GCN1: variants seen among roughly 807,000 people sequenced by gnomAD.
GCN1 encodes the protein stalled ribosome sensor GCN1.
GCN1 carries 90 observed loss-of-function variants against 288.4 expected under a neutral mutation model. The observed-to-expected ratio is 0.31, with a 90% confidence interval of 0.26 to 0.37. The LOEUF (loss-of-function observed/expected upper bound fraction) is 0.37, where lower values mean the gene tolerates loss of function less well. GCN1 is among the 10% of genes least tolerant of loss of function. The probability of loss-of-function intolerance (pLI) is 1.00; values close to 1 mark genes in which losing one functional copy is unlikely to be tolerated. For synonymous variants in GCN1, 1,386 were observed against 1,420.2 expected (o/e 0.98, Z 0.54); for missense variants, 2,586 against 3,419.9 (o/e 0.76, Z 6.08).
rs951482376 is a variant in GCN1, at chr12:120,175,850, C to T, written c.938G>A (p.Arg313His). 19 of 1,611,358 alleles carry T rather than the reference C, an allele frequency of 1.2e-5. No individual in the cohort carries two copies. Among genetic ancestry groups the T allele is most frequent in the East Asian group, 4.5e-5 (2 of 44,858 alleles). ...LAGHLKSNSP[R>H]LMDEAVLALR... is the part of the protein sequence containing the mutation. ...TGCCAGCACAGCTTCATCCATCAGG[C>T]GGGGACTGTTGGATTTCAGGTGACC... The change falls in exon 11 of 58, where the codon CGC becomes CAC. Residue 313 changes from arginine (R) to histidine (H), a missense_variant. By Grantham distance (29) the Arg-to-His change is conservative. This residue lies in a region of GCN1 where 913 missense variants were observed against 1,107.0 expected (regional missense o/e 0.82). Coordinates refer to ENST00000300648, the MANE Select transcript of GCN1 (RefSeq NM_006836.2).
At position 120,156,447 on chromosome 12, in the gene GCN1, G is replaced by A. The variant is rs1284405717; in HGVS notation, c.3312+14C>T. Reference sequence around the variant, plus strand: ...ACAAGGGACACTGCAGTGGCTCTGAGACTGAGCACACACCCGGAGCACGGT... The same window carrying A: ...ACAAGGGACACTGCAGTGGCTCTGAAACTGAGCACACACCCGGAGCACGGT... On this transcript the variant is annotated intron_variant, in intron 28 of 57. Coordinates refer to ENST00000300648, the MANE Select transcript of GCN1 (RefSeq NM_006836.2). This position sits in a 1 kb window ranked among gnomAD's most constrained non-coding sequence, Gnocchi z 5.8. 6.2e-6 allele frequency: 10 copies of A among 1,612,460 alleles called. No individual in the cohort carries two copies. The Admixed American group carries it at 1.0e-4, about 16-fold the overall frequency.
chr12:120,134,950 C>T lies in GCN1; in HGVS notation c.7009-224G>A, dbSNP rs1183019666. Among the ~76,000 whole-genome samples, 1 of 152,192 alleles carries T rather than the reference C, an allele frequency of 6.6e-6. No homozygotes were observed. Among genetic ancestry groups the T allele is most frequent in the Admixed American group, 6.5e-5 (1 of 15,282 alleles). ...TTGATACACTGGAGGAGCAGGAGGC[C>T]GAGGAGGCGGCGGCCGCTATCTGAG... On this transcript the variant is annotated intron_variant, in intron 51 of 57. Coordinates refer to ENST00000300648, the MANE Select transcript of GCN1 (RefSeq NM_006836.2). The surrounding 1 kb of genome is among the most constrained non-coding windows in gnomAD (Gnocchi z 5.0).
Position 120,131,209 on chromosome 12 carries a change from G to A in GCN1, c.7539C>T (p.Ile2513=). 6.2e-7 allele frequency: 1 copy of A among 1,614,184 alleles called. No individual in the cohort carries two copies. The highest frequency in any genetic ancestry group is 1.1e-5 in the South Asian group (1 of 91,082). The change falls in exon 55 of 58, where the codon ATC becomes ATT. Residue 2513 remains isoleucine, a synonymous_variant. Transcript: ENST00000300648. The part of the protein sequence containing the change: ...GRYSSDVQEM[I]LSSATADRIP... ...CCCTGTCCGCCGTGGCACTGCTCAGGATCATTTCCTGAACATCACTGCTAT... is the reference window on the plus strand; with the variant it reads ...CCCTGTCCGCCGTGGCACTGCTCAGAATCATTTCCTGAACATCACTGCTAT...
At chr12:120,162,463 G>A (rs1420004175) in intron 20 of GCN1, among the ~76,000 whole-genome samples, 1 of 152,200 alleles carries the variant, frequency 6.6e-6, no homozygotes, top group Non-Finnish European at 1.5e-5. Context: ...ATTCCCCTAG[G>A]AGCTGATGGC....
At position 120,140,957 on chromosome 12, in the gene GCN1, G is replaced by A; in HGVS notation, c.5896C>T (p.Pro1966Ser). ...LGEKILPEII[P>S]ILEEGLRSQK... ...GACCTCAGGCCTTCCTCAAGGATGGGGATGATCTCGGGGAGGATTTTCTCC... is the reference window on the plus strand; with the variant it reads ...GACCTCAGGCCTTCCTCAAGGATGGAGATGATCTCGGGGAGGATTTTCTCC... The change falls in exon 45 of 58, where the codon CCC becomes TCC. Residue 1966 changes from proline to serine, a missense_variant. By Grantham distance (74) the Pro-to-Ser change is moderately conservative (BLOSUM62 -1). Around this residue, in one of 8 missense-constraint regions of GCN1, gnomAD observed 437 missense variants for 570.5 expected, o/e 0.77. Coordinates refer to ENST00000300648, the MANE Select transcript of GCN1 (RefSeq NM_006836.2). 1.9e-6 allele frequency: 3 copies of A among 1,613,948 alleles called. No individual in the cohort carries two copies. The highest frequency in any genetic ancestry group is 2.5e-6 in the Non-Finnish European group (3 of 1,179,850).
intron 14 of GCN1, among the ~76,000 whole-genome samples, chr12:120,170,997 C>T (rs1042403365): frequency 6.6e-6 from 1 of 151,514 alleles, no homozygotes; most frequent in Non-Finnish European, 1.5e-5. Context: ...CTGTCTTAGC[C>T]GGGTGGGGTG....
chr12:120,187,679 A>G (rs1464314403), intron 2 of GCN1, among the ~76,000 whole-genome samples: 2 of 151,902 alleles, frequency 1.3e-5, no homozygotes, highest in African/African-American at 4.8e-5. Context: ...TGCAGCCTCA[A>G]CCTCCTGGGC....
chr12:120,131,793 A>G (rs551468552), intron 54 of GCN1, 133 bp downstream of exon 54: 97 of 645,610 alleles, frequency 1.5e-4, no homozygotes, highest in Non-Finnish European at 2.3e-4. Context: ...TTTTGCTTTA[A>G]CTGCTGGATT....
intron 14 of GCN1, among the ~76,000 whole-genome samples, chr12:120,172,168 G>C (rs1446452847): frequency 6.6e-6 from 1 of 152,072 alleles, no homozygotes; most frequent in Non-Finnish European, 1.5e-5. Context: ...CTGCCTCATA[G>C]ACTGTTTTTA....
At chr12:120,170,024 AG>A (rs1878268629) in intron 15 of GCN1, 144 bp downstream of exon 15, 1 of 698,936 alleles carries the variant, frequency 1.4e-6, no homozygotes, top group Non-Finnish European at 2.5e-6. Flanking sequence ...TGCAACCATG[AG>A]GTTCATCCTG....
chr12:120,149,481 A>G (rs1877469469), intron 36 of GCN1, 125 bp downstream of exon 36: 2 of 668,976 alleles, frequency 3.0e-6, no homozygotes, highest in Admixed American at 5.2e-5. Context: ...TTAAAAAGGC[A>G]GAGTCTTAAC....
chr12:120,146,328 T>C (rs1344215078), intron 38 of GCN1, among the ~76,000 whole-genome samples: 2 of 151,674 alleles, frequency 1.3e-5, no homozygotes, highest in Admixed American at 6.6e-5. Context: ...AGATAAAATA[T>C]TTTGGTTTTC....
chr12:120,149,411 G>C (rs1287324383), intron 36 of GCN1, among the ~76,000 whole-genome samples, 195 bp downstream of exon 36: 2 of 152,048 alleles, frequency 1.3e-5, no homozygotes, highest in Non-Finnish European at 2.9e-5. Flanking sequence ...TGTGAGAATG[G>C]TTTGAGCCCC....
At position 120,150,041 on chromosome 12, in the gene GCN1, C is replaced by A. The variant is rs1420963569; in HGVS notation, c.4312G>T (p.Ala1438Ser). ...DKKNFRRREG[A>S]LFAFEMLCTM... ...CAGAGCATCTCGAAGGCAAAGAGGGCTCCTAGGGGAAAAGAAGGTGGGACG... is the reference window on the plus strand; with the variant it reads ...CAGAGCATCTCGAAGGCAAAGAGGGATCCTAGGGGAAAAGAAGGTGGGACG... The change falls in exon 35 of 58, where the codon GCC becomes TCC. Residue 1438 changes from alanine to serine, a missense_variant and splice_region_variant. This residue lies in a region of GCN1 where 371 missense variants were observed against 572.6 expected (regional missense o/e 0.65). Coordinates refer to ENST00000300648, the MANE Select transcript of GCN1 (RefSeq NM_006836.2). The A allele has an allele frequency of 1.9e-6, 3 of 1,613,874 alleles. No individual in the cohort carries two copies. Among genetic ancestry groups the A allele is most frequent in the Admixed American group, 3.3e-5 (2 of 60,010 alleles).
At chr12:120,184,393 G>C in intron 3 of GCN1, 150 bp from the exon 4 acceptor site, 1 of 684,024 alleles carries the variant, frequency 1.5e-6, no homozygotes, top group East Asian at 2.7e-5. Flanking sequence ...GAAATAACTA[G>C]ATAAACTCAC....
At chr12:120,149,776 C>A in intron 35 of GCN1, 56 bp from the exon 36 acceptor site, 1 of 1,530,218 alleles carries the variant, frequency 6.5e-7, no homozygotes, top group Non-Finnish European at 9.1e-7. Context: ...AGGGGCAAGG[C>A]CTGACACCAG....
chr12:120,139,039 G>A lies in GCN1; in HGVS notation c.5995-183C>T, dbSNP rs1877105153. 1.0e-5 allele frequency: 5 copies of A among 494,824 alleles called. No individual in the cohort carries two copies. In the South Asian group the frequency reaches 1.3e-4, roughly 13 times the overall value. 30.7% of individuals were successfully genotyped at this position (494,824 alleles called of 1,614,324 possible). A position where few individuals can be genotyped will look rare whatever the true frequency, so the allele number is the denominator to read the frequency against. ...AAAAGGAGAGAAGGGGCCGGGCACG[G>A]TGGCTCACACCTGTAATCCCAGCAC... On this transcript the variant is annotated intron_variant, in intron 45 of 57. Coordinates refer to ENST00000300648, the MANE Select transcript of GCN1 (RefSeq NM_006836.2).
chr12:120,162,310 G>A, intron 20 of GCN1: 1 of 522,712 alleles, frequency 1.9e-6, no homozygotes. Context: ...CGTGGTTCAG[G>A]TGGAGCTGCC....
Position 120,155,141 on chromosome 12 carries a change from C to T in GCN1, c.3630+100G>A, listed in dbSNP as rs376289306. The T allele has an allele frequency of 2.9e-3, 4,422 of 1,520,448 alleles. 58 individuals carry two copies. The highest frequency in any genetic ancestry group is 0.027 in the South Asian group (2,363 of 88,866). 94.2% of individuals were successfully genotyped at this position (1,520,448 alleles called of 1,614,324 possible). A position where few individuals can be genotyped will look rare whatever the true frequency, so the allele number is the denominator to read the frequency against. On this transcript the variant is annotated intron_variant, in intron 30 of 57. Transcript: ENST00000300648. This position sits in a 1 kb window ranked among gnomAD's most constrained non-coding sequence, Gnocchi z 4.9. ...ACTAGCCGCAGCTACCCTGAGCCAC[C>T]GTGAGCCCCGAGATTCCTGTCTGGA...
Sources: gnomAD v4.1 joint callset for allele counts (sites outside exome capture counted in the v4.1 genomes callset) on GRCh38, gnomAD v4.1.1 for gene constraint, gnomAD v4.1.1 regional missense constraint, Gnocchi (gnomAD v3.1) non-coding constraint, MANE v1.5 for transcripts, NCBI Gene and HGNC (gene_info 2026-07-23, HGNC 2026-07-21) for gene names.